The following USP13 variants were observed in gnomAD, a reference collection of about 807,000 sequenced individuals.
USP13 encodes the protein ubiquitin carboxyl-terminal hydrolase 13.
A neutral mutation model predicts 107.8 loss-of-function variants in USP13; 68 were observed. The ratio of observed to expected loss-of-function variants is 0.63; its 90% CI spans 0.52 to 0.77. USP13 has a LOEUF of 0.77. Ranked by LOEUF, USP13 falls within the 30% of genes least tolerant of loss-of-function variation. The pLI, the probability that USP13 is intolerant of heterozygous loss-of-function variation, is 0.00. For missense variants in USP13, 945 were observed against 1,093.3 expected, an observed-to-expected ratio of 0.86 and a Z score of 1.91; for synonymous variants, 377 against 389.5, an observed-to-expected ratio of 0.97 and a Z score of 0.38.
At chr3:179,774,478 C>T (rs561505984) in intron 19 of USP13, among the ~76,000 whole-genome samples, 2 of 152,198 alleles carry the variant, frequency 1.3e-5, no homozygotes, top group African/African-American at 4.8e-5. Context: ...AGCTGCAGAC[C>T]TTCACGGCAA....
At chr3:179,695,624 T>C (rs1358742529) in intron 3 of USP13, among the ~76,000 whole-genome samples, 3 of 152,240 alleles carry the variant, frequency 2.0e-5, no homozygotes, top group African/African-American at 4.8e-5. Context: ...TTAAAATTTT[T>C]TTTCAATATG....
chr3:179,749,522 C>T (rs1038703621), intron 13 of USP13, among the ~76,000 whole-genome samples: 2 of 152,084 alleles, frequency 1.3e-5, no homozygotes, highest in Non-Finnish European at 2.9e-5. Context: ...CCCCAAACTG[C>T]AATAAATGAA....
At chr3:179,715,053 A>T (rs1560059448) in intron 6 of USP13, among the ~76,000 whole-genome samples, 3 of 146,614 alleles carry the variant, frequency 2.0e-5, no homozygotes, top group East Asian at 2.0e-4. Flanking sequence ...ATTTTTTTCC[A>T]TTTTTTTTTG....
intron 18 of USP13, among the ~76,000 whole-genome samples, chr3:179,764,993 G>C (rs1158595791): frequency 1.3e-5 from 2 of 152,052 alleles, no homozygotes; most frequent in African/African-American, 4.8e-5. Flanking sequence ...GTACTTTCTT[G>C]TGCTCCACTC....
chr3:179,740,403 G>A (rs907489482), intron 11 of USP13, 31 bp downstream of exon 11: 1 of 1,613,392 alleles, frequency 6.2e-7, no homozygotes, highest in Admixed American at 1.7e-5. Context: ...GATGCTCAGC[G>A]GGGTTGTAAG....
chr3:179,742,443 A>G lies in USP13; in HGVS notation c.1534+93A>G. ...AATGGTTTAGTCACTGAAGTGTGTC[A>G]GGAGTAGACCCAGCCCAGGTGATGT... is the stretch of plus-strand genomic sequence containing the variant. On this transcript the variant is annotated intron_variant, in intron 12 of 20. Transcript: ENST00000263966. This position sits in a 1 kb window ranked among gnomAD's most constrained non-coding sequence, Gnocchi z 5.0. 6.6e-7 allele frequency: 1 copy of G among 1,509,946 alleles called. No individual in the cohort carries two copies. Among genetic ancestry groups the G allele is most frequent in the Non-Finnish European group, 9.0e-7 (1 of 1,106,668 alleles). The allele number at this position is 1,509,946 out of a possible 1,614,324, so 93.5% of individuals were successfully genotyped here.
At chr3:179,687,395 C>T (rs554712455) in intron 2 of USP13, among the ~76,000 whole-genome samples, 5 of 152,006 alleles carry the variant, frequency 3.3e-5, no homozygotes, top group African/African-American at 9.6e-5. Flanking sequence ...TGCGGTGGCT[C>T]ACACCTATAA....
rs995924170 is a variant in USP13, at chr3:179,719,870, A to G, written c.806-70A>G. The G allele has an allele frequency of 1.0e-5, 14 of 1,403,330 alleles. No homozygotes were observed. The African/African-American group carries it at 2.0e-4, about 20-fold the overall frequency. 86.9% of individuals were successfully genotyped at this position (1,403,330 alleles called of 1,614,324 possible). A position where few individuals can be genotyped will look rare whatever the true frequency, so the allele number is the denominator to read the frequency against. On this transcript the variant is annotated intron_variant, in intron 6 of 20. Coordinates refer to ENST00000263966, the MANE Select transcript of USP13 (RefSeq NM_003940.3). ...CAAGCCTGGTGTACAGTAGGAGTTC[A>G]AAAAATATGTGTTGGATATTCAGTG...
intron 15 of USP13, among the ~76,000 whole-genome samples, chr3:179,756,705 C>T (rs2108529518): frequency 6.6e-6 from 1 of 152,228 alleles, no homozygotes; most frequent in Admixed American, 6.5e-5. Flanking sequence ...CTGCAGTGAG[C>T]CATGATTGCT....
chr3:179,778,281 A>G (rs1715615747), intron 19 of USP13, among the ~76,000 whole-genome samples: 1 of 152,220 alleles, frequency 6.6e-6, no homozygotes, highest in South Asian at 2.1e-4. Context: ...AAATGAAGCG[A>G]AAGGAGTCAT....
intron 1 of USP13, among the ~76,000 whole-genome samples, chr3:179,659,310 G>A (rs773008546): frequency 2.0e-4 from 31 of 152,136 alleles, no homozygotes; most frequent in Non-Finnish European, 4.3e-4. Flanking sequence ...GTATTTAGTG[G>A]TGTGCCTGGT....
intron 16 of USP13, among the ~76,000 whole-genome samples, chr3:179,758,201 GGCTAGGAGTTACCTT>G (rs1437855980): frequency 1.3e-5 from 2 of 151,980 alleles, no homozygotes; most frequent in Admixed American, 1.3e-4. Flanking sequence ...CCAGAACTAG[GGCTAGGAGTTACCTT>G]GCTTCTCATG....
At chr3:179,733,894 T>C (rs1300940051) in intron 10 of USP13, among the ~76,000 whole-genome samples, 1 of 152,200 alleles carries the variant, frequency 6.6e-6, no homozygotes, top group Non-Finnish European at 1.5e-5. Context: ...GGGAATTATA[T>C]CAGGCAGTTT....
At chr3:179,774,914 A>G (rs1020864633) in intron 19 of USP13, among the ~76,000 whole-genome samples, 6 of 152,216 alleles carry the variant, frequency 3.9e-5, no homozygotes, top group African/African-American at 1.4e-4. Context: ...TGTATTTACA[A>G]TCCTCTAGCT....
intron 10 of USP13, among the ~76,000 whole-genome samples, chr3:179,735,443 T>C (rs1361717699): frequency 6.6e-6 from 1 of 152,130 alleles, no homozygotes. Context: ...GGAAAAATTA[T>C]TTAAATTTGC....
At chr3:179,676,267 A>G (rs1720889522) in intron 1 of USP13, among the ~76,000 whole-genome samples, 1 of 152,094 alleles carries the variant, frequency 6.6e-6, no homozygotes, top group Non-Finnish European at 1.5e-5. Context: ...CGGGTGTTTC[A>G]TTATAGTAGT....
At chr3:179,750,326 GTATATATATATATATA>G (rs569602060) in intron 13 of USP13, among the ~76,000 whole-genome samples, 1 of 75,828 alleles carries the variant, frequency 1.3e-5, no homozygotes, top group African/African-American at 3.9e-5. Context: ...ATATATGTGT[GTATATATATATATATA>G]TATGTATATA....
intron 17 of USP13, among the ~76,000 whole-genome samples, chr3:179,762,513 G>A (rs1356535226): frequency 6.6e-6 from 1 of 152,124 alleles, no homozygotes; most frequent in East Asian, 1.9e-4. Context: ...CCCAGGAGAC[G>A]GAGGTTGCAG....
chr3:179,722,401 A>G (rs1371420756), intron 8 of USP13, among the ~76,000 whole-genome samples: 1 of 152,218 alleles, frequency 6.6e-6, no homozygotes, highest in Non-Finnish European at 1.5e-5. Flanking sequence ...GAGAGTGAGC[A>G]TTGGGAAATT....
Sources: allele counts gnomAD v4.1 joint callset (sites outside exome capture counted in the v4.1 genomes callset), GRCh38; gene constraint gnomAD v4.1.1; non-coding constraint Gnocchi (gnomAD v3.1); transcripts MANE v1.5; gene names NCBI Gene and HGNC (gene_info 2026-07-23, HGNC 2026-07-21).